PLPPR1: variants seen among roughly 807,000 people sequenced by gnomAD.
PLPPR1 encodes phospholipid phosphatase-related protein type 1.
Under a neutral mutation model 33.1 loss-of-function variants are expected in PLPPR1, and 10 were observed. The observed-to-expected ratio is 0.30, with a 90% CI of 0.19 to 0.51. The LOEUF (loss-of-function observed/expected upper bound fraction) is 0.51. Ranked by LOEUF, PLPPR1 falls within the 20% of genes least tolerant of loss-of-function variation. PLPPR1 has a pLI of 0.97. For missense variants in PLPPR1, 304 were observed against 408.1 expected, an observed-to-expected ratio of 0.74 and a Z score of 2.20; for synonymous variants, 151 against 151.0, an observed-to-expected ratio of 1.00 and a Z score of 0.00.
chr9:101,292,075 C>A (rs1398051676), intron 4 of PLPPR1, among the ~76,000 whole-genome samples: 2 of 152,062 alleles, frequency 1.3e-5, no homozygotes, highest in Non-Finnish European at 2.9e-5. Flanking sequence ...ACTAGAATAA[C>A]CAATACAGAG....
At chr9:101,137,975 T>C (rs1831398772) in intron 1 of PLPPR1, among the ~76,000 whole-genome samples, 1 of 152,164 alleles carries the variant, frequency 6.6e-6, no homozygotes, top group Admixed American at 6.6e-5. Flanking sequence ...ATCCTGAGCT[T>C]TTCTGCTGTA....
At chr9:101,124,825 A>G (rs1202009102) in intron 1 of PLPPR1, among the ~76,000 whole-genome samples, 3 of 152,252 alleles carry the variant, frequency 2.0e-5, no homozygotes, top group African/African-American at 7.2e-5. Context: ...AGCTCTTTGT[A>G]TATGACCATA....
chr9:101,290,667 ATC>A (rs1360835450), intron 4 of PLPPR1, among the ~76,000 whole-genome samples: 2 of 152,220 alleles, frequency 1.3e-5, no homozygotes, highest in Non-Finnish European at 1.5e-5. Context: ...TAAGTTAGAT[ATC>A]TCTAATTTTT....
At chr9:101,153,777 G>C (rs1831634374) in intron 1 of PLPPR1, among the ~76,000 whole-genome samples, 1 of 151,432 alleles carries the variant, frequency 6.6e-6, no homozygotes, top group African/African-American at 2.4e-5. Context: ...TAGAGACGGG[G>C]TTTCACCGTG....
At chr9:101,163,377 C>A (rs577785972) in intron 1 of PLPPR1, among the ~76,000 whole-genome samples, 2 of 152,142 alleles carry the variant, frequency 1.3e-5, no homozygotes, top group African/African-American at 4.8e-5. Flanking sequence ...AAAATTTACC[C>A]CTCATAATAC....
At chr9:101,134,099 C>T (rs1831349094) in intron 1 of PLPPR1, among the ~76,000 whole-genome samples, 1 of 152,290 alleles carries the variant, frequency 6.6e-6, no homozygotes, top group Admixed American at 6.5e-5. Flanking sequence ...TAACTAAACT[C>T]AAGTTTAGAT....
chr9:101,117,535 CT>C (rs1189154600), intron 1 of PLPPR1, among the ~76,000 whole-genome samples: 2 of 152,104 alleles, frequency 1.3e-5, no homozygotes, highest in East Asian at 3.9e-4. Flanking sequence ...TAACTCACTC[CT>C]TGTTTAGCAT....
intron 1 of PLPPR1, among the ~76,000 whole-genome samples, chr9:101,160,280 C>G (rs1258823349): frequency 1.3e-5 from 2 of 152,174 alleles, no homozygotes; most frequent in African/African-American, 2.4e-5. Flanking sequence ...GGTCACTTAG[C>G]CTTTCTCCTC....
chr9:101,133,789 A>G (rs1377181854), intron 1 of PLPPR1, among the ~76,000 whole-genome samples: 1 of 152,182 alleles, frequency 6.6e-6, no homozygotes, highest in Admixed American at 6.5e-5. Context: ...AGCAAAGTAA[A>G]AACAGGCACT....
chr9:101,208,584 A>G (rs1007531470), intron 2 of PLPPR1, among the ~76,000 whole-genome samples: 1 of 152,164 alleles, frequency 6.6e-6, no homozygotes, highest in African/African-American at 2.4e-5. Flanking sequence ...GTCTCAGCAA[A>G]TGTGCCTGTT....
chr9:101,247,647 AAAC>A (rs1827635836), intron 2 of PLPPR1, among the ~76,000 whole-genome samples: 1 of 152,000 alleles, frequency 6.6e-6, no homozygotes, highest in South Asian at 2.1e-4. Context: ...CCCATTTACT[AAAC>A]AAGCACACGT....
chr9:101,135,915 A>C (rs1001567257), intron 1 of PLPPR1, among the ~76,000 whole-genome samples: 14 of 152,164 alleles, frequency 9.2e-5, no homozygotes, highest in African/African-American at 3.4e-4. Flanking sequence ...CCATTAACAC[A>C]CCCAAGGTTT....
At chr9:101,162,487 G>C (rs1825777781) in intron 1 of PLPPR1, among the ~76,000 whole-genome samples, 1 of 152,196 alleles carries the variant, frequency 6.6e-6, no homozygotes, top group Non-Finnish European at 1.5e-5. Flanking sequence ...TTCTGTGACT[G>C]GCTTTATTTG....
At chr9:101,195,806 G>A (rs1336198278) in intron 2 of PLPPR1, among the ~76,000 whole-genome samples, 1 of 152,152 alleles carries the variant, frequency 6.6e-6, no homozygotes, top group East Asian at 1.9e-4. Context: ...GAATTTCCCT[G>A]AGAATTAGCA....
intron 1 of PLPPR1, among the ~76,000 whole-genome samples, chr9:101,096,560 A>C (rs553089661): frequency 1.3e-5 from 2 of 152,360 alleles, no homozygotes; most frequent in African/African-American, 2.4e-5. Context: ...AAGCACATGA[A>C]TATCAAAGAT....
intron 2 of PLPPR1, among the ~76,000 whole-genome samples, chr9:101,244,539 C>T (rs1827546666): frequency 6.7e-6 from 1 of 149,156 alleles, no homozygotes; most frequent in Non-Finnish European, 1.5e-5. Context: ...TCTTTTAGAA[C>T]AAAGTGTTAG....
intron 1 of PLPPR1, among the ~76,000 whole-genome samples, chr9:101,113,868 G>A (rs1307966743): frequency 6.6e-6 from 1 of 152,114 alleles, no homozygotes; most frequent in African/African-American, 2.4e-5. Flanking sequence ...TTGTGCAGAA[G>A]TCTCTGCCCA....
intron 1 of PLPPR1, among the ~76,000 whole-genome samples, chr9:101,127,027 A>G (rs1255226971): frequency 5.0e-5 from 7 of 138,734 alleles, no homozygotes; most frequent in Non-Finnish European, 1.1e-4. Context: ...TTACTGCACT[A>G]AAGAGTGATA....
Position 101,204,551 on chromosome 9 carries a change from T to C in PLPPR1, c.63+18994T>C, listed in dbSNP as rs113452725. 4.2e-3 allele frequency among the ~76,000 whole-genome samples: 640 copies of C among 152,224 alleles called. 5 individuals are homozygous for C. Among genetic ancestry groups the C allele is most frequent in the African/African-American group, 0.014 (591 of 41,546 alleles). ...GAGCATTCTGCAGCTGCTGTTTCCG[T>C]ATATTGAGAAAGCAAAGCCACGGTT... On this transcript the variant is annotated intron_variant, in intron 2 of 7. Transcript: ENST00000374874.
Sources: allele counts gnomAD v4.1 joint callset (sites outside exome capture counted in the v4.1 genomes callset), GRCh38; gene constraint gnomAD v4.1.1; transcripts MANE v1.5; gene names NCBI Gene and HGNC (gene_info 2026-07-23, HGNC 2026-07-21).